The following MYL1 variants were observed in gnomAD, a reference collection of about 807,000 sequenced individuals.
MYL1 encodes the protein myosin light chain 1.
A neutral mutation model predicts 21.8 loss-of-function variants in MYL1; 16 were observed. The ratio of observed to expected loss-of-function variants is 0.74; its 90% CI spans 0.50 to 1.12. MYL1 has a LOEUF of 1.12. Ranked by LOEUF, MYL1 falls within the 50% of genes most tolerant of loss-of-function variation. MYL1 has a pLI of 0.00. For synonymous variants in MYL1, 99 were observed against 85.2 expected (o/e 1.16, Z -0.89); for missense variants, 246 against 241.0 (o/e 1.02, Z -0.14).
At chr2:210,291,257 AT>A (rs1274177773) in intron 5 of MYL1, among the ~76,000 whole-genome samples, 183 bp from the exon 6 acceptor site, 1 of 152,084 alleles carries the variant, frequency 6.6e-6, no homozygotes, top group Non-Finnish European at 1.5e-5. Flanking sequence ...CTTTGCCCTG[AT>A]TTTGCAAATT....
At chr2:210,298,119 A>G (rs143948982) in intron 3 of MYL1, among the ~76,000 whole-genome samples, 1 of 152,066 alleles carries the variant, frequency 6.6e-6, no homozygotes, top group Admixed American at 6.6e-5. Context: ...ATTATTTCTA[A>G]TATCTAATGC....
intron 1 of MYL1, among the ~76,000 whole-genome samples, chr2:210,313,816 T>C (rs1340982675): frequency 6.6e-6 from 1 of 152,096 alleles, no homozygotes; most frequent in African/African-American, 2.4e-5. Flanking sequence ...AAATGGTCAA[T>C]GAAATGTTTG....
In MYL1 at chr2:210,301,744, A is replaced by T. The variant is rs376973827; in HGVS notation, c.160+744T>A. 5.9e-5 allele frequency among the ~76,000 whole-genome samples: 9 copies of T among 152,260 alleles called. No homozygotes were observed. In the East Asian group the frequency reaches 9.6e-4, roughly 16 times the overall value. On this transcript the variant is annotated intron_variant, in intron 2 of 6. Transcript: ENST00000352451. ...TTGGATCCAAAGACCCAAAGGTGAA[A>T]AGGTTGACTTTTTAGGGAAACTATT...
At chr2:210,307,243 G>C (rs947511674) in intron 1 of MYL1, among the ~76,000 whole-genome samples, 5 of 152,130 alleles carry the variant, frequency 3.3e-5, no homozygotes, top group African/African-American at 1.2e-4. Context: ...CTGGATGTGA[G>C]CCTACCCCAA....
At chr2:210,312,509 T>C (rs1244288870) in intron 1 of MYL1, among the ~76,000 whole-genome samples, 1 of 151,918 alleles carries the variant, frequency 6.6e-6, no homozygotes, top group Non-Finnish European at 1.5e-5. Flanking sequence ...ATTAGGCCTG[T>C]TACCTCCTGG....
At chr2:210,309,802 A>G (rs1033317568) in intron 1 of MYL1, among the ~76,000 whole-genome samples, 2 of 152,092 alleles carry the variant, frequency 1.3e-5, no homozygotes, top group African/African-American at 2.4e-5. Context: ...GCCGAGAGCT[A>G]AATTTGGCAC....
At chr2:210,298,642 G>C in intron 2 of MYL1, 79 bp from the exon 3 acceptor site, 2 of 1,504,618 alleles carry the variant, frequency 1.3e-6, no homozygotes, top group African/African-American at 2.8e-5. Context: ...CAAAAATTCA[G>C]TTCAAACTCT....
At chr2:210,305,300 G>A (rs1174610452) in intron 1 of MYL1, among the ~76,000 whole-genome samples, 2 of 151,972 alleles carry the variant, frequency 1.3e-5, no homozygotes, top group African/African-American at 4.8e-5. Context: ...TTAGTACACA[G>A]GTAAACATTT....
rs758302123 is a variant in MYL1 at position 210,298,558 on chromosome 2, T to C, written c.166A>G (p.Lys56Glu). ...EFSKEQQDEF[K>E]EAFLLFDRTG... ...CTGTCAAACAGGAGAAATGCCTCCT[T>C]GAATTCTGCAAAAAGCAAGAAGCAT... The change falls in exon 3 of 7, where the codon AAG (lysine) becomes GAG (glutamate). Residue 56 changes from lysine (K) to glutamate (E), a missense_variant. By Grantham distance (56) the Lys-to-Glu change is moderately conservative. Transcript: ENST00000352451. 5 of 1,613,812 alleles carry C rather than the reference T, an allele frequency of 3.1e-6. No individual in the cohort carries two copies. Among genetic ancestry groups the C allele is most frequent in the Non-Finnish European group, 3.4e-6 (4 of 1,179,948 alleles).
At chr2:210,305,516 A>G (rs1299117566) in intron 1 of MYL1, among the ~76,000 whole-genome samples, 1 of 152,082 alleles carries the variant, frequency 6.6e-6, no homozygotes, top group African/African-American at 2.4e-5. Context: ...GTTCTTTTTT[A>G]GTTTTGTAAT....
At chr2:210,307,194 C>T (rs1019228646) in intron 1 of MYL1, among the ~76,000 whole-genome samples, 12 of 152,130 alleles carry the variant, frequency 7.9e-5, no homozygotes, top group African/African-American at 2.4e-4. Context: ...AACTGGGAAG[C>T]GTAGGCCATT....
At chr2:210,299,844 T>A (rs1009090566) in intron 2 of MYL1, among the ~76,000 whole-genome samples, 5 of 152,130 alleles carry the variant, frequency 3.3e-5, no homozygotes, top group African/African-American at 1.2e-4. Context: ...AGTGAAAGCA[T>A]TTTTTTAGGC....
chr2:210,305,018 T>C (rs1690319103), intron 1 of MYL1, among the ~76,000 whole-genome samples: 2 of 152,202 alleles, frequency 1.3e-5, no homozygotes, highest in African/African-American at 2.4e-5. Context: ...GTTTTCTACA[T>C]GTTTAAAGCA....
At chr2:210,293,652 G>A in intron 5 of MYL1, 71 bp downstream of exon 5, 2 of 1,272,072 alleles carry the variant, frequency 1.6e-6, no homozygotes, top group Non-Finnish European at 2.3e-6. Flanking sequence ...AGGAAAAGAA[G>A]CTCAAAAGGA....
At chr2:210,306,121 G>A (rs1160129632) in intron 1 of MYL1, among the ~76,000 whole-genome samples, 2 of 147,904 alleles carry the variant, frequency 1.4e-5, no homozygotes, top group South Asian at 2.2e-4. Flanking sequence ...TGGCTCATGC[G>A]TGTAATCCCA....
rs78768051 is a variant in MYL1, at chr2:210,294,621, C to T, written c.305-203G>A. ...ATTGCAGTTCCTGAGCTTTTATTCC[C>T]AGTCTACCATTTGCAACTCTGACAG... On this transcript the variant is annotated intron_variant, in intron 3 of 6. Transcript: ENST00000352451. 1.5e-3 allele frequency among the ~76,000 whole-genome samples: 234 copies of T among 152,202 alleles called. 2 individuals are homozygous for T. The East Asian group carries it at 0.038, about 25-fold the overall frequency.
chr2:210,310,753 T>C (rs529715600), intron 1 of MYL1, among the ~76,000 whole-genome samples: 14 of 152,172 alleles, frequency 9.2e-5, no homozygotes, highest in Non-Finnish European at 1.8e-4. Context: ...TGCTCTGATG[T>C]GTCTGTCATC....
intron 4 of MYL1, 37 bp from the exon 5 acceptor site, chr2:210,293,837 A>G: frequency 1.9e-6 from 3 of 1,594,146 alleles, no homozygotes; most frequent in Non-Finnish European, 1.7e-6. Flanking sequence ...AAAGAAGGCC[A>G]TGTGTTATTT....
At chr2:210,295,207 T>A (rs1690154543) in intron 3 of MYL1, among the ~76,000 whole-genome samples, 1 of 152,250 alleles carries the variant, frequency 6.6e-6, no homozygotes, top group African/African-American at 2.4e-5. Context: ...ATATTTCTAT[T>A]ACACGCAATT....
Sources: gnomAD v4.1 joint callset for allele counts (sites outside exome capture counted in the v4.1 genomes callset) on GRCh38, gnomAD v4.1.1 for gene constraint, MANE v1.5 for transcripts, NCBI Gene and HGNC (gene_info 2026-07-23, HGNC 2026-07-21) for gene names.